The following MRPL32 variants were observed in gnomAD, a reference collection of about 807,000 sequenced individuals.
The protein encoded by MRPL32 is large ribosomal subunit protein bL32m.
MRPL32 carries 14 observed loss-of-function variants against 21.7 expected under a neutral mutation model. That is an observed-to-expected ratio of 0.64 (90% CI 0.43 to 1.01). The LOEUF (loss-of-function observed/expected upper bound fraction) is 1.01, where lower values mean the gene tolerates loss of function less well. Ranked by LOEUF, MRPL32 falls within the 50% of genes least tolerant of loss-of-function variation. The pLI is 0.00. For synonymous variants in MRPL32, 83 were observed against 87.7 expected (o/e 0.95, Z 0.30); for missense variants, 211 against 235.9 (o/e 0.89, Z 0.69).
intron 2 of MRPL32, chr7:42,936,076 G>A (rs1786417847): frequency 6.6e-6 from 1 of 152,178 alleles, no homozygotes; most frequent in Admixed American, 6.5e-5. Context: ...CAAAACCTTA[G>A]AACTTAAGCC....
intron 1 of MRPL32, 61 bp from the exon 2 acceptor site, chr7:42,934,894 C>T: frequency 7.6e-7 from 1 of 1,317,390 alleles, no homozygotes; most frequent in Non-Finnish European, 1.0e-6. Context: ...AAAATGATAT[C>T]TGTAAATAGT....
At chr7:42,933,949 G>C (rs1786378182) in intron 1 of MRPL32, among the ~76,000 whole-genome samples, 1 of 152,118 alleles carries the variant, frequency 6.6e-6, no homozygotes, top group Non-Finnish European at 1.5e-5. Context: ...AGAACTTTGT[G>C]TATTTTTAAG....
At chr7:42,935,185 A>AATAAGCTC in intron 2 of MRPL32, 49 bp downstream of exon 2, 3 of 1,497,746 alleles carry the variant, frequency 2.0e-6, no homozygotes, top group Middle Eastern at 1.7e-4. Context: ...TCCTCCATTG[A>AATAAGCTC]ATAAGCTCAT....
At chr7:42,932,608 C>G (rs1201553913) in intron 1 of MRPL32, 92 bp downstream of exon 1, 6 of 1,352,966 alleles carry the variant, frequency 4.4e-6, no homozygotes, top group Non-Finnish European at 4.9e-6. Flanking sequence ...CCCTCAGCCC[C>G]GGTTCTGATC....
chr7:42,932,419 G>T lies in MRPL32; in HGVS notation c.33G>T (p.Ser11=), dbSNP rs202053451. Residue 11 remains serine, a synonymous_variant, in exon 1 of 3, where the codon TCG becomes TCT. Coordinates refer to ENST00000223324, the MANE Select transcript of MRPL32 (RefSeq NM_031903.3). ...TGGCCATGCTGGTCTTGGTGGTTTC[G>T]CCGTGGTCTGCGGCCCGGGGAGTGC... MALAMLVLVV[S]PWSAARGVLR... is the part of the protein sequence containing the mutation. The T allele has an allele frequency of 5.0e-6, 8 of 1,611,426 alleles. No individual in the cohort carries two copies. The highest frequency in any genetic ancestry group is 6.8e-6 in the Non-Finnish European group (8 of 1,178,518).
intron 1 of MRPL32, among the ~76,000 whole-genome samples, chr7:42,934,598 A>G (rs1008379154): frequency 6.6e-6 from 1 of 152,234 alleles, no homozygotes; most frequent in Non-Finnish European, 1.5e-5. Context: ...TCAGGTACTT[A>G]CTACCCGCCA....
At chr7:42,933,788 C>T (rs572634483) in intron 1 of MRPL32, among the ~76,000 whole-genome samples, 21 of 151,920 alleles carry the variant, frequency 1.4e-4, no homozygotes, top group Non-Finnish European at 2.1e-4. Context: ...GACAACAGTC[C>T]CATTAGGTGT....
At position 42,932,455 on chromosome 7, in the gene MRPL32, C is replaced by G. The variant is rs542987844; in HGVS notation, c.69C>G (p.Tyr23Ter). ...CGGCCCGGGGAGTGCTTCGAAACTA[C>G]TGGGAGCGACTGCTACGGAAGCTTC... ...WSAARGVLRNYWERLLRKLPQ... is the reference protein window; with the variant it reads ...WSAARGVLRN Residue 23 changes from tyrosine to a stop codon, truncating the protein, a stop_gained, in exon 1 of 3, where the codon TAC becomes TAG. Transcript: ENST00000223324. LOFTEE classifies it high-confidence loss of function. 1.7e-4 allele frequency: 276 copies of G among 1,612,500 alleles called. No homozygotes were observed. The highest frequency in any genetic ancestry group is 4.3e-4 in the South Asian group (39 of 91,054).
chr7:42,935,383 G>A (rs536107344), intron 2 of MRPL32: 28 of 328,876 alleles, frequency 8.5e-5, no homozygotes, highest in African/African-American at 5.9e-4. Context: ...AAGGAACGAG[G>A]CTGTGAGGTG....
Position 42,932,403 on chromosome 7 carries a change from TG to T in MRPL32, c.19del (p.Val7SerfsTer41). 6.2e-7 allele frequency: 1 copy of T among 1,609,800 alleles called. No homozygotes were observed. The highest frequency in any genetic ancestry group is 8.5e-7 in the Non-Finnish European group (1 of 1,177,226). ...GCAGGGAAAATGGCGCTGGCCATGC[TG>T]GTCTTGGTGGTTTCGCCGTGGTCTG... The part of the protein sequence containing the change: MALAM[L>X]VLVVSPWSAA... On this transcript the variant is annotated frameshift_variant, in exon 1 of 3. Coordinates refer to ENST00000223324, the MANE Select transcript of MRPL32 (RefSeq NM_031903.3). LOFTEE classifies it high-confidence loss of function.
In MRPL32 at chr7:42,937,766, C is replaced by G. The variant is rs1786453166; in HGVS notation, c.*190C>G. 2.0e-6 allele frequency: 1 copy of G among 492,472 alleles called. No individual in the cohort carries two copies. Among genetic ancestry groups the G allele is most frequent in the Non-Finnish European group, 3.5e-6 (1 of 287,776 alleles). 30.5% of individuals were successfully genotyped at this position (492,472 alleles called of 1,614,324 possible). A position where few individuals can be genotyped will look rare whatever the true frequency, so the allele number is the denominator to read the frequency against. ...TCCGAAAATTTTGTTTATCCAAAGG[C>G]TCAATGGATTATGTTTCTATTATAT... On this transcript the variant is annotated 3_prime_UTR_variant, in exon 3 of 3. Transcript: ENST00000223324.
chr7:42,932,607 C>G (rs1786342382), intron 1 of MRPL32, 91 bp downstream of exon 1: 8 of 1,385,002 alleles, frequency 5.8e-6, no homozygotes, highest in Non-Finnish European at 7.7e-6. Flanking sequence ...GCCCTCAGCC[C>G]CGGTTCTGAT....
intron 1 of MRPL32, among the ~76,000 whole-genome samples, chr7:42,933,831 A>T (rs930184218): frequency 6.6e-5 from 10 of 152,164 alleles, no homozygotes; most frequent in Non-Finnish European, 7.3e-5. Context: ...TAGGCTCACA[A>T]TGGTCCCAAG....
intron 2 of MRPL32, 110 bp from the exon 3 acceptor site, chr7:42,937,212 G>A (rs1477625625): frequency 1.3e-6 from 2 of 1,597,110 alleles, no homozygotes; most frequent in East Asian, 2.2e-5. Context: ...ATGACCTCAT[G>A]TAGCCTGAAC....
At chr7:42,936,391 C>A (rs1291207402) in intron 2 of MRPL32, 1 of 152,150 alleles carries the variant, frequency 6.6e-6, no homozygotes, top group Admixed American at 6.5e-5. Flanking sequence ...TTCATACCTT[C>A]AGTTGTGCAT....
At chr7:42,937,042 A>G in intron 2 of MRPL32, 1 of 529,700 alleles carries the variant, frequency 1.9e-6, no homozygotes, top group Non-Finnish European at 3.4e-6. Flanking sequence ...GGAAATGAGT[A>G]TTTCTTTTTT....
chr7:42,935,210 G>A, intron 2 of MRPL32, 74 bp downstream of exon 2: 4 of 1,255,600 alleles, frequency 3.2e-6, no homozygotes, highest in Non-Finnish European at 4.5e-6. Context: ...GATTCCTATA[G>A]CCTAGGAATA....
At chr7:42,932,650 C>A in intron 1 of MRPL32, 134 bp downstream of exon 1, 23 of 852,804 alleles carry the variant, frequency 2.7e-5, no homozygotes, top group Admixed American at 6.9e-5. Context: ...TAGTTCGTGA[C>A]ATTCCCATAT....
intron 2 of MRPL32, 70 bp from the exon 3 acceptor site, chr7:42,937,252 C>G (rs1786440068): frequency 1.2e-6 from 2 of 1,610,956 alleles, no homozygotes; most frequent in African/African-American, 2.7e-5. Flanking sequence ...GTAAGCATTG[C>G]TCCTGTCAGT....
Sources: allele counts gnomAD v4.1 joint callset (sites outside exome capture counted in the v4.1 genomes callset), GRCh38; gene constraint gnomAD v4.1.1; transcripts MANE v1.5; gene names NCBI Gene and HGNC (gene_info 2026-07-23, HGNC 2026-07-21).